Variants in FBXO36 observed in about 807,000 individuals in gnomAD.
The protein encoded by FBXO36 is F-box only protein 36.
Under a neutral mutation model 17.0 loss-of-function variants are expected in FBXO36, and 18 were observed. The ratio of observed to expected loss-of-function variants is 1.06; its 90% confidence interval spans 0.73 to 1.57. The LOEUF is 1.57. Ranked by LOEUF, FBXO36 falls within the 40% of genes most tolerant of loss-of-function variation. The pLI is 0.00. For synonymous variants in FBXO36, 83 were observed against 85.3 expected, an observed-to-expected ratio of 0.97 and a Z score of 0.15; for missense variants, 229 against 221.9, an observed-to-expected ratio of 1.03 and a Z score of -0.20.
intron 1 of FBXO36, among the ~76,000 whole-genome samples, chr2:229,958,673 G>T (rs1021950808): frequency 3.9e-5 from 6 of 152,120 alleles, no homozygotes; most frequent in Non-Finnish European, 5.9e-5. Context: ...TGTTGGTGTG[G>T]CATTGACTCA....
intron 2 of FBXO36, among the ~76,000 whole-genome samples, chr2:229,991,528 T>A (rs1292164146): frequency 6.6e-6 from 1 of 152,144 alleles, no homozygotes; most frequent in Non-Finnish European, 1.5e-5. Context: ...CACAGTGAAA[T>A]GGCAGCCCTG....
intron 1 of FBXO36, among the ~76,000 whole-genome samples, chr2:229,967,543 A>T (rs1417410983): frequency 6.6e-6 from 1 of 152,116 alleles, no homozygotes; most frequent in African/African-American, 2.4e-5. Flanking sequence ...TTATTTTGAG[A>T]TATGTCCCAT....
intron 3 of FBXO36, among the ~76,000 whole-genome samples, chr2:230,000,394 G>T (rs1441380871): frequency 1.3e-5 from 2 of 149,106 alleles, no homozygotes; most frequent in Non-Finnish European, 3.0e-5. Flanking sequence ...AGCAGCAGCT[G>T]ATTATTCATA....
intron 1 of FBXO36, among the ~76,000 whole-genome samples, chr2:229,930,493 G>T (rs2076933509): frequency 6.6e-6 from 1 of 152,132 alleles, no homozygotes; most frequent in South Asian, 2.1e-4. Flanking sequence ...ACTCACGCCT[G>T]TAATCCCAGC....
chr2:229,993,879 C>G (rs1346791175), intron 2 of FBXO36, among the ~76,000 whole-genome samples: 2 of 151,952 alleles, frequency 1.3e-5, no homozygotes, highest in Non-Finnish European at 2.9e-5. Flanking sequence ...CCTCAGCCTC[C>G]TGAGTAGCTG....
chr2:229,949,082 C>T (rs2077041996), intron 1 of FBXO36, among the ~76,000 whole-genome samples: 1 of 152,190 alleles, frequency 6.6e-6, no homozygotes, highest in African/African-American at 2.4e-5. Context: ...ATCCGCCCGC[C>T]TTGGCCTCCT....
At chr2:229,930,140 G>T (rs2076932020) in intron 1 of FBXO36, among the ~76,000 whole-genome samples, 1 of 152,132 alleles carries the variant, frequency 6.6e-6, no homozygotes, top group Admixed American at 6.6e-5. Flanking sequence ...TCGAGGCCAG[G>T]AATTCAAGAC....
At chr2:229,956,290 G>A (rs944635081) in intron 1 of FBXO36, among the ~76,000 whole-genome samples, 6 of 152,222 alleles carry the variant, frequency 3.9e-5, no homozygotes, top group Non-Finnish European at 8.8e-5. Context: ...ACTTCTTGCT[G>A]TGTCCTGCCA....
At chr2:229,930,348 A>G (rs2076932883) in intron 1 of FBXO36, among the ~76,000 whole-genome samples, 1 of 152,154 alleles carries the variant, frequency 6.6e-6, no homozygotes, top group Non-Finnish European at 1.5e-5. Context: ...ATCTTACAGA[A>G]AAATAATTAC....
intron 1 of FBXO36, among the ~76,000 whole-genome samples, chr2:229,943,644 G>T (rs562111561): frequency 4.7e-4 from 71 of 152,230 alleles, no homozygotes; most frequent in Admixed American, 2.9e-3. Context: ...GCCCTGGCCC[G>T]TGGGCAACCT....
At chr2:229,941,376 A>T (rs1201405545) in intron 1 of FBXO36, among the ~76,000 whole-genome samples, 1 of 151,856 alleles carries the variant, frequency 6.6e-6, no homozygotes, top group African/African-American at 2.4e-5. Context: ...AATTGCTTGA[A>T]CCCAGGAGGC....
intron 1 of FBXO36, among the ~76,000 whole-genome samples, chr2:229,941,743 G>A (rs1215930479): frequency 7.2e-5 from 11 of 151,950 alleles, no homozygotes; most frequent in Non-Finnish European, 1.6e-4. Context: ...CAGGCCTGGC[G>A]CGGTAGCTCA....
chr2:229,979,813 A>G (rs2077228674), intron 2 of FBXO36, among the ~76,000 whole-genome samples: 1 of 152,068 alleles, frequency 6.6e-6, no homozygotes, highest in Non-Finnish European at 1.5e-5. Flanking sequence ...TATAAAATTC[A>G]TTGTTGGCTT....
chr2:229,959,468 T>A (rs1002225633), intron 1 of FBXO36, among the ~76,000 whole-genome samples: 2 of 152,174 alleles, frequency 1.3e-5, no homozygotes, highest in African/African-American at 4.8e-5. Context: ...CATCCAAGTT[T>A]TTATGCATGG....
chr2:229,977,708 C>A (rs1381236121), intron 2 of FBXO36, among the ~76,000 whole-genome samples: 1 of 152,074 alleles, frequency 6.6e-6, no homozygotes, highest in Non-Finnish European at 1.5e-5. Context: ...CCTCAGCCTC[C>A]CAGAGTGCTG....
At chr2:229,951,329 C>T (rs1209055841) in intron 1 of FBXO36, among the ~76,000 whole-genome samples, 1 of 151,112 alleles carries the variant, frequency 6.6e-6, no homozygotes, top group Non-Finnish European at 1.5e-5. Context: ...CTACAACCTC[C>T]GCCTCCTGGG....
At chr2:229,951,199 C>G (rs953083911) in intron 1 of FBXO36, among the ~76,000 whole-genome samples, 1 of 152,078 alleles carries the variant, frequency 6.6e-6, no homozygotes, top group Non-Finnish European at 1.5e-5. Flanking sequence ...TCCCAAAGTG[C>G]TAGGATTACA....
intron 1 of FBXO36, among the ~76,000 whole-genome samples, chr2:229,958,037 T>G (rs1311320676): frequency 2.0e-5 from 3 of 152,182 alleles, no homozygotes; most frequent in Admixed American, 6.5e-5. Flanking sequence ...CCACAGACAC[T>G]TGGGGGCTTT....
intron 3 of FBXO36, among the ~76,000 whole-genome samples, chr2:229,999,555 TAA>T (rs1293818556): frequency 6.0e-5 from 9 of 150,252 alleles, no homozygotes; most frequent in Admixed American, 2.7e-4. Context: ...ATTTAATTTT[TAA>T]AAGAGAGGTG....
Sources: gnomAD v4.1 joint callset for allele counts (sites outside exome capture counted in the v4.1 genomes callset) on GRCh38, gnomAD v4.1.1 for gene constraint, MANE v1.5 for transcripts, NCBI Gene and HGNC (gene_info 2026-07-23, HGNC 2026-07-21) for gene names.